The following PCDHGA5 variants were observed in gnomAD, a reference collection of about 807,000 sequenced individuals.
PCDHGA5 encodes the protein protocadherin gamma subfamily A, 5, also known as protocadherin gamma-A5.
Under a neutral mutation model 56.7 loss-of-function variants are expected in PCDHGA5, and 36 were observed. The observed-to-expected ratio is 0.64, with a 90% confidence interval of 0.49 to 0.84. The LOEUF (loss-of-function observed/expected upper bound fraction) is 0.84. Ranked by LOEUF, PCDHGA5 falls within the 40% of genes least tolerant of loss-of-function variation. The pLI, the probability that PCDHGA5 is intolerant of heterozygous loss-of-function variation, is 0.00. For synonymous variants in PCDHGA5, 563 were observed against 520.2 expected (o/e 1.08, Z -1.12); for missense variants, 1,305 against 1,201.5 (o/e 1.09, Z -1.27).
intron 1 of PCDHGA5, among the ~76,000 whole-genome samples, chr5:141,474,417 C>CCATT (rs1206525105): frequency 6.6e-6 from 1 of 152,222 alleles, no homozygotes; most frequent in East Asian, 1.9e-4. Context: ...GATGCCTAGA[C>CCATT]CATTGGTCCT....
intron 1 of PCDHGA5, chr5:141,409,586 G>C: frequency 6.2e-7 from 1 of 1,613,908 alleles, no homozygotes; most frequent in Non-Finnish European, 8.5e-7. Flanking sequence ...GGTCCACGTG[G>C]CCGAGAACAA....
rs752147264 is a variant in PCDHGA5, at chr5:141,398,602, G to C, written c.2421+31851G>C. 8 of 1,613,936 alleles carry C rather than the reference G, an allele frequency of 5.0e-6. No individual in the cohort carries two copies. The East Asian group carries it at 1.6e-4, about 31-fold the overall frequency. On this transcript the variant is annotated intron_variant, in intron 1 of 3. Transcript: ENST00000518069. ...AAGATTTATACTAGAAGTAGCAGAA[G>C]ATGCAGATATTGGCTTAAACTCTCT...
At chr5:141,383,710 G>T in intron 1 of PCDHGA5, 1 of 1,613,992 alleles carries the variant, frequency 6.2e-7, no homozygotes, top group South Asian at 1.1e-5. Context: ...CGACCTGGAC[G>T]AGGGAGTCAA....
In PCDHGA5 at chr5:141,477,556, T is replaced by C. The variant is rs2099412953; in HGVS notation, c.2422-17251T>C. On this transcript the variant is annotated intron_variant, in intron 1 of 3. Transcript: ENST00000518069. The surrounding 1 kb of genome is among the most constrained non-coding windows in gnomAD (Gnocchi z 4.9). The stretch of plus-strand genomic sequence containing the variant: ...CCGGGGCTCCAATACTAAACCTAAG[T>C]GTCTGGGACCCCGACGCCCCGCAGA... 6.2e-7 allele frequency: 1 copy of C among 1,614,164 alleles called. No homozygotes were observed. The highest frequency in any genetic ancestry group is 1.1e-5 in the South Asian group (1 of 91,086).
chr5:141,414,684 A>G (rs747750994), intron 1 of PCDHGA5: 6 of 1,613,806 alleles, frequency 3.7e-6, no homozygotes, highest in Non-Finnish European at 5.1e-6. Flanking sequence ...TCCAGGGGGT[A>G]CCTCTGTCCT....
At chr5:141,430,767 C>T in intron 1 of PCDHGA5, 1 of 1,506,782 alleles carries the variant, frequency 6.6e-7, no homozygotes, top group Non-Finnish European at 8.9e-7. Flanking sequence ...AGAATGATTC[C>T]TGCGCGACTG....
chr5:141,366,170 C>A lies in PCDHGA5; in HGVS notation c.1840C>A (p.Pro614Thr), dbSNP rs757055364. 12 of 1,614,082 alleles carry A rather than the reference C, an allele frequency of 7.4e-6. No individual in the cohort carries two copies. The South Asian group carries it at 1.1e-4, about 15-fold the overall frequency. Residue 614 changes from proline to threonine, a missense_variant, in exon 1 of 4, where the codon CCA (proline) becomes ACA (threonine). Pro to Thr is a conservative substitution (Grantham distance 38). Coordinates refer to ENST00000518069, the MANE Select transcript of PCDHGA5 (RefSeq NM_018918.3). ...CTACCGCCTGCTTAAGGCCAGCGAG[C>A]CAGGACTCTTTGCGGTTGGGCTGCA... ...LSYRLLKASE[P>T]GLFAVGLHTG...
In PCDHGA5 at chr5:141,365,450, G is replaced by C. The variant is rs763661542; in HGVS notation, c.1120G>C (p.Gly374Arg). The change falls in exon 1 of 4, where the codon GGT becomes CGT. Residue 374 changes from glycine to arginine, a missense_variant. Coordinates refer to ENST00000518069, the MANE Select transcript of PCDHGA5 (RefSeq NM_018918.3). ...TVIALFSVHD[G>R]DSGENGEIAC... is the part of the protein sequence containing the mutation. ...AATCGCGCTGTTTAGCGTACATGATGGTGATTCTGGAGAAAATGGTGAGAT... is the reference window on the plus strand; with the variant it reads ...AATCGCGCTGTTTAGCGTACATGATCGTGATTCTGGAGAAAATGGTGAGAT... The C allele has an allele frequency of 1.2e-6, 2 of 1,614,010 alleles. No individual in the cohort carries two copies. Among genetic ancestry groups the C allele is most frequent in the South Asian group, 2.2e-5 (2 of 91,080 alleles).
intron 1 of PCDHGA5, among the ~76,000 whole-genome samples, chr5:141,481,126 A>G (rs2099532217): frequency 6.6e-6 from 1 of 152,222 alleles, no homozygotes. Context: ...CATTTAGCAT[A>G]TTTGTGAAGT....
intron 1 of PCDHGA5, among the ~76,000 whole-genome samples, chr5:141,470,752 C>T (rs1427502169): frequency 6.6e-6 from 1 of 152,178 alleles, no homozygotes; most frequent in Non-Finnish European, 1.5e-5. Flanking sequence ...GGCTGGAGTG[C>T]AGTGGACTCA....
At chr5:141,369,576 C>T (rs1388999909) in intron 1 of PCDHGA5, among the ~76,000 whole-genome samples, 1 of 152,202 alleles carries the variant, frequency 6.6e-6, no homozygotes, top group Non-Finnish European at 1.5e-5. Context: ...AAGAGACCCT[C>T]TTGCTTTTTA....
chr5:141,452,929 G>A (rs2154564099), intron 1 of PCDHGA5, among the ~76,000 whole-genome samples: 1 of 152,310 alleles, frequency 6.6e-6, no homozygotes, highest in Admixed American at 6.5e-5. Flanking sequence ...AAGAGCTGCT[G>A]AAGATTTGCT....
rs367731612 is a variant in PCDHGA5, at chr5:141,419,406, C to T, written c.2421+52655C>T. The T allele has an allele frequency of 6.5e-5, 105 of 1,613,522 alleles. 1 individual carries two copies. The South Asian group carries it at 1.0e-3, about 16-fold the overall frequency. Reference sequence around the variant, plus strand: ...AGCGCGCAGAGCGGGGTGGTGTTCGCGCAGCGCGCCTTCGACCACGAGCAG... The same window carrying T: ...AGCGCGCAGAGCGGGGTGGTGTTCGTGCAGCGCGCCTTCGACCACGAGCAG... On this transcript the variant is annotated intron_variant, in intron 1 of 3. Transcript: ENST00000518069.
At chr5:141,422,934 C>T in intron 1 of PCDHGA5, 1 of 1,614,254 alleles carries the variant, frequency 6.2e-7, no homozygotes, top group Non-Finnish European at 8.5e-7. Context: ...CTGCCCTCCC[C>T]ACAGACGGCT....
chr5:141,505,621 A>G (rs1170133157), intron 3 of PCDHGA5, 140 bp downstream of exon 3: 5 of 1,495,758 alleles, frequency 3.3e-6, no homozygotes, highest in South Asian at 2.6e-5. Context: ...AGGACCCACA[A>G]TTCCAAACAT....
At position 141,485,293 on chromosome 5, in the gene PCDHGA5, G is replaced by A. The variant is rs1356836741; in HGVS notation, c.2422-9514G>A. On this transcript the variant is annotated intron_variant, in intron 1 of 3. Transcript: ENST00000518069. The surrounding 1 kb of genome is among the most constrained non-coding windows in gnomAD (Gnocchi z 5.7). ...GCTACCCGGTCCCAGAGGAGTCACA[G>A]GAAGGGACTTTTGTAGGGAATGTCG... 1 of 1,614,170 alleles carries A rather than the reference G, an allele frequency of 6.2e-7. No individual in the cohort carries two copies.
At chr5:141,497,719 T>C (rs1311566820) in intron 2 of PCDHGA5, among the ~76,000 whole-genome samples, 2 of 152,076 alleles carry the variant, frequency 1.3e-5, no homozygotes, top group Non-Finnish European at 2.9e-5. Context: ...TTTGTATTTT[T>C]AGTAGAGATG....
intron 1 of PCDHGA5, among the ~76,000 whole-genome samples, chr5:141,382,474 A>G (rs1436988724): frequency 6.6e-6 from 1 of 152,244 alleles, no homozygotes; most frequent in East Asian, 1.9e-4. Context: ...AAAATTATCT[A>G]AGATTATCAA....
At chr5:141,395,437 G>T in intron 1 of PCDHGA5, 1 of 668,370 alleles carries the variant, frequency 1.5e-6, no homozygotes, top group Non-Finnish European at 2.4e-6. Context: ...TAAACGACTT[G>T]GAAAAGATTG....
Sources: gnomAD v4.1 joint callset for allele counts (sites outside exome capture counted in the v4.1 genomes callset) on GRCh38, gnomAD v4.1.1 for gene constraint, Gnocchi (gnomAD v3.1) non-coding constraint, MANE v1.5 for transcripts, NCBI Gene and HGNC (gene_info 2026-07-23, HGNC 2026-07-21) for gene names.